CATSPERT: variants seen among roughly 807,000 people sequenced by gnomAD.
CATSPERT encodes the protein cation channel sperm-associated targeting subunit tau.
At chr2:201,619,163 C>T in the CATSPERT span, 8 of 1,608,556 alleles carry the variant, frequency 5.0e-6, no homozygotes, top group Non-Finnish European at 6.8e-6. Context: ...CTGCGCCCAA[C>T]CGACGGCCCG....
At chr2:201,487,982 T>G in the CATSPERT span, 2 of 1,171,284 alleles carry the variant, frequency 1.7e-6, no homozygotes, top group Non-Finnish European at 1.2e-6. Context: ...ACTTCTGACA[T>G]GGATGGTCAA....
At chr2:201,539,817 C>T in the CATSPERT span, among the ~76,000 whole-genome samples, 1 of 152,024 alleles carries the variant, frequency 6.6e-6, no homozygotes, top group Non-Finnish European at 1.5e-5. Context: ...GTACATCCCT[C>T]ACTTTAAATC....
chr2:201,507,273 G>A, the CATSPERT span, among the ~76,000 whole-genome samples: 9 of 152,164 alleles, frequency 5.9e-5, no homozygotes, highest in East Asian at 1.9e-4. Context: ...TCCCATTCAC[G>A]TTTACATCAG....
chr2:201,510,615 A>C, the CATSPERT span, among the ~76,000 whole-genome samples: 6 of 152,214 alleles, frequency 3.9e-5, 1 homozygote, highest in Non-Finnish European at 8.8e-5. Context: ...GACAGACAAG[A>C]ATAAGTTGAC....
the CATSPERT span, among the ~76,000 whole-genome samples, chr2:201,512,445 C>T: frequency 6.6e-6 from 1 of 152,090 alleles, no homozygotes; most frequent in Non-Finnish European, 1.5e-5. Flanking sequence ...TCCTTCCTGC[C>T]CCCATCCCCT....
At chr2:201,504,906 C>G in the CATSPERT span, among the ~76,000 whole-genome samples, 1 of 152,192 alleles carries the variant, frequency 6.6e-6, no homozygotes, top group East Asian at 1.9e-4. Context: ...AAACAAGTTT[C>G]CTGTGTAAAG....
the CATSPERT span, among the ~76,000 whole-genome samples, chr2:201,560,423 AAATAATAATAATAATAATAATAATAAT>A: frequency 1.6e-5 from 2 of 126,438 alleles, no homozygotes; most frequent in Non-Finnish European, 3.3e-5. Context: ...ACTCTGTCTC[AAATAATAATAATAATAATAATAATAAT>A]AATAATAATA....
chr2:201,537,542 A>G, the CATSPERT span: 17,567 of 1,238,020 alleles, frequency 0.014, 158 homozygotes, highest in Non-Finnish European at 0.017. Context: ...ATATGTATGT[A>G]CATTAATAAA....
At chr2:201,604,639 G>A in the CATSPERT span, 1 of 1,600,374 alleles carries the variant, frequency 6.2e-7, no homozygotes, top group Admixed American at 1.7e-5. Context: ...CAAATTTGGC[G>A]TCTCCTGTGT....
At chr2:201,608,543 A>G in the CATSPERT span, among the ~76,000 whole-genome samples, 1 of 152,194 alleles carries the variant, frequency 6.6e-6, no homozygotes, top group Non-Finnish European at 1.5e-5. Context: ...TACGCTGGAC[A>G]CAGTGGCTTA....
chr2:201,528,842 C>T, the CATSPERT span, among the ~76,000 whole-genome samples: 1 of 152,022 alleles, frequency 6.6e-6, no homozygotes, highest in South Asian at 2.1e-4. Flanking sequence ...ATAATTTGTA[C>T]ACTAAGCCCC....
the CATSPERT span, among the ~76,000 whole-genome samples, chr2:201,505,856 T>C: frequency 1.3e-5 from 2 of 152,190 alleles, no homozygotes; most frequent in East Asian, 3.8e-4. Flanking sequence ...ATGTTAACAA[T>C]GGAAGAAAGT....
the CATSPERT span, among the ~76,000 whole-genome samples, chr2:201,541,373 A>C: frequency 2.0e-5 from 3 of 151,722 alleles, no homozygotes; most frequent in African/African-American, 7.3e-5. Context: ...AGGAAGAGCC[A>C]ACTGACGCAG....
At chr2:201,489,685 T>G in the CATSPERT span, among the ~76,000 whole-genome samples, 2 of 152,202 alleles carry the variant, frequency 1.3e-5, no homozygotes, top group Non-Finnish European at 2.9e-5. Context: ...CAATTTAATA[T>G]GAGTTTTACT....
chr2:201,500,850 A>T, the CATSPERT span, among the ~76,000 whole-genome samples: 1 of 152,218 alleles, frequency 6.6e-6, no homozygotes, highest in Non-Finnish European at 1.5e-5. Flanking sequence ...AAAAACTTCT[A>T]CACATACTGA....
At chr2:201,596,607 G>A in the CATSPERT span, among the ~76,000 whole-genome samples, 1 of 152,074 alleles carries the variant, frequency 6.6e-6, no homozygotes, top group South Asian at 2.1e-4. Context: ...TCTTCCTCTG[G>A]GACTCAACTA....
the CATSPERT span, among the ~76,000 whole-genome samples, chr2:201,533,080 C>T: frequency 3.2e-4 from 49 of 152,148 alleles, 1 homozygote; most frequent in South Asian, 0.01. Context: ...ACTCTCAGCC[C>T]AAGGAAACAG....
chr2:201,596,394 A>G, the CATSPERT span, among the ~76,000 whole-genome samples: 1 of 152,164 alleles, frequency 6.6e-6, no homozygotes, highest in African/African-American at 2.4e-5. Context: ...ATGGACACAT[A>G]GAGGGGAACA....
At chr2:201,494,482 C>T in the CATSPERT span, 1 of 1,537,156 alleles carries the variant, frequency 6.5e-7, no homozygotes, top group African/African-American at 1.4e-5. Context: ...TGTATCTAAA[C>T]CCTTTATTGT....
Sources: allele counts gnomAD v4.1 joint callset (sites outside exome capture counted in the v4.1 genomes callset), GRCh38; gene constraint gnomAD v4.1.1; transcripts MANE v1.5; gene names NCBI Gene and HGNC (gene_info 2026-07-23, HGNC 2026-07-21).